Variants in COL5A2 observed in about 807,000 individuals in gnomAD.
The protein encoded by COL5A2 is collagen type V alpha 2 chain.
Under a neutral mutation model 208.2 loss-of-function variants are expected in COL5A2, and 23 were observed. The ratio of observed to expected loss-of-function variants is 0.11; its 90% CI spans 0.08 to 0.16. The LOEUF is 0.16. Ranked by LOEUF, COL5A2 falls within the 10% of genes least tolerant of loss-of-function variation. The pLI is 1.00. For synonymous variants in COL5A2, 625 were observed against 628.5 expected (o/e 0.99, Z 0.08); for missense variants, 1,590 against 1,956.4 (o/e 0.81, Z 3.53).
chr2:189,438,785 A>G, the COL5A2 span, among the ~76,000 whole-genome samples: 1 of 152,172 alleles, frequency 6.6e-6, no homozygotes. Context: ...AAGAAAGCAG[A>G]TTTTATTGTA....
At chr2:189,372,496 T>G in the COL5A2 span, among the ~76,000 whole-genome samples, 3 of 152,316 alleles carry the variant, frequency 2.0e-5, no homozygotes, top group Admixed American at 6.5e-5. Context: ...TATTCTATAA[T>G]GGCATACTTT....
the COL5A2 span, among the ~76,000 whole-genome samples, chr2:189,417,721 T>A: frequency 6.6e-6 from 1 of 152,092 alleles, no homozygotes; most frequent in African/African-American, 2.4e-5. Flanking sequence ...GCTTATTTCA[T>A]TTAACGTGAT....
At chr2:189,208,898 C>T (rs1315023905) in intron 1 of COL5A2, among the ~76,000 whole-genome samples, 1 of 152,090 alleles carries the variant, frequency 6.6e-6, no homozygotes, top group East Asian at 1.9e-4. Context: ...AAAAGACTCC[C>T]TTTCTCCTGT....
At chr2:189,238,738 A>G in the COL5A2 span, among the ~76,000 whole-genome samples, 1 of 152,064 alleles carries the variant, frequency 6.6e-6, no homozygotes, top group Non-Finnish European at 1.5e-5. Context: ...AGCCCCTTAC[A>G]AAACCATCAG....
chr2:189,398,530 T>C, the COL5A2 span, among the ~76,000 whole-genome samples: 1 of 152,146 alleles, frequency 6.6e-6, no homozygotes, highest in African/African-American at 2.4e-5. Context: ...CTTTATCACC[T>C]ATAATGCTTT....
the COL5A2 span, among the ~76,000 whole-genome samples, chr2:189,407,869 T>A: frequency 6.6e-6 from 1 of 152,214 alleles, no homozygotes; most frequent in Non-Finnish European, 1.5e-5. Flanking sequence ...TGAGAATTTC[T>A]CTGTTTTTCA....
chr2:189,068,333 G>C, intron 19 of COL5A2, 63 bp from the exon 20 acceptor site: 1 of 1,307,086 alleles, frequency 7.7e-7, no homozygotes. Flanking sequence ...AAATGTGCTA[G>C]TATACAGATG....
the COL5A2 span, among the ~76,000 whole-genome samples, chr2:189,255,863 T>A: frequency 6.6e-6 from 1 of 152,150 alleles, no homozygotes; most frequent in East Asian, 1.9e-4. Context: ...ATAAAGGAAG[T>A]AGCACATGAG....
chr2:189,127,887 C>T (rs896107503), intron 1 of COL5A2, among the ~76,000 whole-genome samples: 3 of 151,968 alleles, frequency 2.0e-5, no homozygotes, highest in African/African-American at 4.8e-5. Context: ...TTATATAAGG[C>T]TATGATCACA....
chr2:189,211,122 T>A (rs887690548), intron 1 of COL5A2, among the ~76,000 whole-genome samples: 2 of 152,192 alleles, frequency 1.3e-5, no homozygotes, highest in African/African-American at 2.4e-5. Flanking sequence ...GCGAAAGACG[T>A]GGGTAAATTG....
chr2:189,240,597 T>C, the COL5A2 span, among the ~76,000 whole-genome samples: 1 of 152,196 alleles, frequency 6.6e-6, no homozygotes, highest in African/African-American at 2.4e-5. Flanking sequence ...GATGATGCTG[T>C]CAGTGTTTTA....
At chr2:189,069,030 A>C (rs539110992) in intron 18 of COL5A2, 146 bp from the exon 19 acceptor site, 2 of 679,064 alleles carry the variant, frequency 2.9e-6, no homozygotes, top group East Asian at 5.5e-5. Flanking sequence ...TGCCCAACCA[A>C]GCTTAAGGAG....
the COL5A2 span, among the ~76,000 whole-genome samples, chr2:189,400,680 C>T: frequency 6.6e-6 from 1 of 152,122 alleles, no homozygotes; most frequent in Non-Finnish European, 1.5e-5. Flanking sequence ...GATCCCAAAA[C>T]AGCACACCAA....
the COL5A2 span, among the ~76,000 whole-genome samples, chr2:189,323,934 A>G: frequency 1.3e-5 from 2 of 152,244 alleles, no homozygotes; most frequent in Non-Finnish European, 2.9e-5. Flanking sequence ...CTACAAGGCT[A>G]CAGTAACTAA....
chr2:189,040,569 A>G (rs1056185160), intron 50 of COL5A2, among the ~76,000 whole-genome samples: 4 of 152,114 alleles, frequency 2.6e-5, no homozygotes, highest in African/African-American at 4.8e-5. Context: ...GAGTTCTACT[A>G]TTGGCTCTGC....
the COL5A2 span, among the ~76,000 whole-genome samples, chr2:189,439,393 A>T: frequency 2.6e-5 from 4 of 152,314 alleles, no homozygotes; most frequent in South Asian, 8.3e-4. Context: ...TTCCTTCTGT[A>T]TATAGGCTAT....
chr2:189,283,137 T>C, the COL5A2 span, among the ~76,000 whole-genome samples: 489 of 151,518 alleles, frequency 3.2e-3, 2 homozygotes, highest in African/African-American at 0.011. Flanking sequence ...TGTGGGGAAA[T>C]ATAGTACTGA....
chr2:189,273,808 TG>T, the COL5A2 span, among the ~76,000 whole-genome samples: 1 of 152,076 alleles, frequency 6.6e-6, no homozygotes, highest in South Asian at 2.1e-4. Flanking sequence ...GTTGAAGTCA[TG>T]GAAGCAGAGG....
the COL5A2 span, among the ~76,000 whole-genome samples, chr2:189,235,072 T>C: frequency 6.6e-6 from 1 of 151,738 alleles, no homozygotes; most frequent in South Asian, 2.1e-4. Flanking sequence ...TTATACCATA[T>C]AGCTATACCA....
Sources: allele counts gnomAD v4.1 joint callset (sites outside exome capture counted in the v4.1 genomes callset), GRCh38; gene constraint gnomAD v4.1.1; transcripts MANE v1.5; gene names NCBI Gene and HGNC (gene_info 2026-07-23, HGNC 2026-07-21).